Variants in DDX50 observed in about 807,000 individuals in gnomAD.
DDX50 encodes DExD-box helicase 50.
Under a neutral mutation model 94.8 loss-of-function variants are expected in DDX50, and 56 were observed. That is an observed-to-expected ratio of 0.59 (90% confidence interval 0.48 to 0.74). The LOEUF (loss-of-function observed/expected upper bound fraction) is 0.74, where lower values mean the gene tolerates loss of function less well. Ranked by LOEUF, DDX50 falls within the 30% of genes least tolerant of loss-of-function variation. DDX50 has a pLI of 0.00. For synonymous variants in DDX50, 264 were observed against 295.4 expected, an observed-to-expected ratio of 0.89 and a Z score of 1.09; for missense variants, 713 against 881.2, an observed-to-expected ratio of 0.81 and a Z score of 2.42.
rs1842681113 is a variant in DDX50 at position 68,946,620 on chromosome 10, G to A, written c.2204G>A (p.Ser735Asn). Residue 735 changes from serine (S) to asparagine (N), a missense_variant, in exon 15 of 15, where the codon AGT becomes AAT. Transcript: ENST00000373585. Reference sequence around the variant, plus strand: ...TCAAGAAGTGGGGGCCACAAACGGAGTTTTGACTGAGTATTTGATAGTTAA... The same window carrying A: ...TCAAGAAGTGGGGGCCACAAACGGAATTTTGACTGAGTATTTGATAGTTAA... ...NRSRSGGHKR[S>N]FD 6.2e-7 allele frequency: 1 copy of A among 1,613,234 alleles called. No individual in the cohort carries two copies. Among genetic ancestry groups the A allele is most frequent in the African/African-American group, 1.3e-5 (1 of 75,022 alleles).
In DDX50 at chr10:68,934,729, T is replaced by G; in HGVS notation, c.1402-70T>G. On this transcript the variant is annotated intron_variant, in intron 9 of 14. Transcript: ENST00000373585. This position sits in a 1 kb window ranked among gnomAD's most constrained non-coding sequence, Gnocchi z 4.0. ...GAAATAAATATATTATTATTAACATTATTATTTGGATTCCGGAATGACTGC... is the reference window on the plus strand; with the variant it reads ...GAAATAAATATATTATTATTAACATGATTATTTGGATTCCGGAATGACTGC... 1 of 1,438,418 alleles carries G rather than the reference T, an allele frequency of 7.0e-7. No homozygotes were observed. Among genetic ancestry groups the G allele is most frequent in the Admixed American group, 2.3e-5 (1 of 42,714 alleles). 89.1% of individuals were successfully genotyped at this position (1,438,418 alleles called of 1,614,324 possible). A position where few individuals can be genotyped will look rare whatever the true frequency, so the allele number is the denominator to read the frequency against.
chr10:68,905,002 A>G (rs542559876), intron 1 of DDX50, among the ~76,000 whole-genome samples: 1 of 152,354 alleles, frequency 6.6e-6, no homozygotes, highest in Admixed American at 6.5e-5. Context: ...AATTACTGCT[A>G]TCTATTTTGA....
At chr10:68,911,289 A>G in intron 4 of DDX50, 43 bp downstream of exon 4, 1 of 1,433,502 alleles carries the variant, frequency 7.0e-7, no homozygotes. Context: ...TTACTCTAAC[A>G]GAAAGGGAAA....
At chr10:68,944,168 C>T (rs1589275613) in intron 14 of DDX50, among the ~76,000 whole-genome samples, 1 of 152,130 alleles carries the variant, frequency 6.6e-6, no homozygotes, top group African/African-American at 2.4e-5. Flanking sequence ...TTAATATCAT[C>T]CAATTTTATT....
intron 1 of DDX50, 125 bp downstream of exon 1, chr10:68,901,596 C>T: frequency 9.8e-7 from 1 of 1,017,398 alleles, no homozygotes; most frequent in Non-Finnish European, 1.4e-6. Flanking sequence ...CCCTTCGCGC[C>T]GCCCTCGGCC....
chr10:68,927,196 G>GA (rs1199826864), intron 8 of DDX50, among the ~76,000 whole-genome samples: 3 of 152,026 alleles, frequency 2.0e-5, no homozygotes, highest in African/African-American at 7.2e-5. Context: ...ACAGGCATGA[G>GA]AAAAAAACCT....
intron 1 of DDX50, among the ~76,000 whole-genome samples, chr10:68,903,492 A>G (rs1220769168): frequency 1.3e-5 from 2 of 148,516 alleles, no homozygotes; most frequent in African/African-American, 5.0e-5. Flanking sequence ...ATGGTGAAAC[A>G]CCATCTCTAC....
At chr10:68,917,985 C>T (rs895740060) in intron 7 of DDX50, among the ~76,000 whole-genome samples, 10 of 151,856 alleles carry the variant, frequency 6.6e-5, no homozygotes, top group South Asian at 2.1e-4. Context: ...AGTGCAGTGG[C>T]GCAGTCTCAG....
At chr10:68,924,775 T>C (rs1017924687) in intron 8 of DDX50, among the ~76,000 whole-genome samples, 1 of 152,150 alleles carries the variant, frequency 6.6e-6, no homozygotes, top group Admixed American at 6.6e-5. Context: ...GTTTAGATCC[T>C]CTGTCCAGCA....
intron 12 of DDX50, among the ~76,000 whole-genome samples, chr10:68,939,239 C>T (rs1047221887): frequency 6.6e-6 from 1 of 152,128 alleles, no homozygotes; most frequent in East Asian, 1.9e-4. Flanking sequence ...TAGCATTGAG[C>T]AGATATCCTA....
intron 8 of DDX50, among the ~76,000 whole-genome samples, chr10:68,921,031 A>G (rs1176541410): frequency 2.0e-5 from 3 of 151,958 alleles, no homozygotes; most frequent in Non-Finnish European, 4.4e-5. Flanking sequence ...GAATCATGTA[A>G]GGAACCCCTA....
chr10:68,934,053 C>CT lies in DDX50; in HGVS notation c.1240-135dup, dbSNP rs34877781. On this transcript the variant is annotated intron_variant, in intron 8 of 14. Transcript: ENST00000373585. This position sits in a 1 kb window ranked among gnomAD's most constrained non-coding sequence, Gnocchi z 4.0. ...GTTAAATATTTTCTGTCATGTTTGA[C>CT]TTTTTTTTTTTACAGTAAGCATGCA... 47,403 of 565,376 alleles carry CT rather than the reference C, an allele frequency of 0.084. 679 individuals are homozygous for CT. Among genetic ancestry groups the CT allele is most frequent in the African/African-American group, 0.15 (7,381 of 49,506 alleles). The allele number at this position is 565,376 out of a possible 1,614,324, so 35.0% of individuals were successfully genotyped here.
At chr10:68,940,106 T>C (rs546835663) in intron 12 of DDX50, among the ~76,000 whole-genome samples, 1 of 152,148 alleles carries the variant, frequency 6.6e-6, no homozygotes, top group Non-Finnish European at 1.5e-5. Context: ...TTAAAGAAAT[T>C]GTTCAGGCAT....
chr10:68,910,515 A>T, intron 3 of DDX50, 133 bp downstream of exon 3: 1 of 614,428 alleles, frequency 1.6e-6, no homozygotes, highest in Non-Finnish European at 2.7e-6. Context: ...CGATTCTCCT[A>T]CCTCAGCCTG....
At chr10:68,946,226 C>T in intron 14 of DDX50, 126 bp from the exon 15 acceptor site, 7 of 1,166,042 alleles carry the variant, frequency 6.0e-6, no homozygotes, top group South Asian at 2.0e-5. Context: ...ATTTTTGTTC[C>T]AGATACGTTA....
intron 12 of DDX50, among the ~76,000 whole-genome samples, chr10:68,937,679 G>A (rs1006652415): frequency 2.8e-5 from 4 of 144,520 alleles, no homozygotes; most frequent in Non-Finnish European, 4.5e-5. Context: ...TCTCCCTCCC[G>A]GGTTCAAGCA....
At chr10:68,925,969 G>A (rs1197316886) in intron 8 of DDX50, among the ~76,000 whole-genome samples, 3 of 147,230 alleles carry the variant, frequency 2.0e-5, no homozygotes, top group South Asian at 2.2e-4. Flanking sequence ...AGCCGAGATC[G>A]CGCCATTGCA....
In DDX50 at chr10:68,941,210, C is replaced by T. The variant is rs377740186; in HGVS notation, c.1890+16C>T. ...AGGAAATATGGTAGGCTTTTCCAGA[C>T]AATTAAAAAGCTTTTTAATCAACTA... On this transcript the variant is annotated intron_variant, in intron 13 of 14. Transcript: ENST00000373585. 1 of 1,602,954 alleles carries T rather than the reference C, an allele frequency of 6.2e-7. No homozygotes were observed. The highest frequency in any genetic ancestry group is 8.5e-7 in the Non-Finnish European group (1 of 1,177,262).
At chr10:68,917,588 C>T (rs1841831984) in intron 7 of DDX50, among the ~76,000 whole-genome samples, 1 of 151,086 alleles carries the variant, frequency 6.6e-6, no homozygotes, top group Admixed American at 6.6e-5. Flanking sequence ...GGTGGGTTTT[C>T]TTGTTTGTTC....
Sources: gnomAD v4.1 joint callset for allele counts (sites outside exome capture counted in the v4.1 genomes callset) on GRCh38, gnomAD v4.1.1 for gene constraint, Gnocchi (gnomAD v3.1) non-coding constraint, MANE v1.5 for transcripts, NCBI Gene and HGNC (gene_info 2026-07-23, HGNC 2026-07-21) for gene names.